Variants in CRACR2A observed in about 807,000 individuals in gnomAD.
CRACR2A encodes calcium release activated channel regulator 2A.
Under a neutral mutation model 90.5 loss-of-function variants are expected in CRACR2A, and 79 were observed. That is an observed-to-expected ratio of 0.87 (90% CI 0.73 to 1.05). The LOEUF (loss-of-function observed/expected upper bound fraction) is 1.05, where lower values mean the gene tolerates loss of function less well. Among genes scored for constraint, CRACR2A ranks in the 50% least tolerant of loss-of-function variants. CRACR2A has a pLI of 0.00. For missense variants in CRACR2A, 823 were observed against 897.2 expected (o/e 0.92, Z 1.06); for synonymous variants, 338 against 356.7 (o/e 0.95, Z 0.59).
chr12:3,749,864 T>C lies in CRACR2A; in HGVS notation c.-387+3151A>G, dbSNP rs576809432. Reference sequence around the variant, plus strand: ...GTGTTGTGTTGGTAGGAACAAAAAGTGTACCAGTTTGAAATGGTCCATTGA... The same window carrying C: ...GTGTTGTGTTGGTAGGAACAAAAAGCGTACCAGTTTGAAATGGTCCATTGA... On this transcript the variant is annotated intron_variant, in intron 1 of 19. Transcript: ENST00000440314. Among the ~76,000 whole-genome samples, 5 of 150,548 alleles carry C rather than the reference T, an allele frequency of 3.3e-5. No homozygotes were observed. In the South Asian group the frequency reaches 1.1e-3, roughly 32 times the overall value.
chr12:3,616,867 C>G, intron 19 of CRACR2A, 87 bp downstream of exon 19: 1 of 1,071,880 alleles, frequency 9.3e-7, no homozygotes, highest in Non-Finnish European at 1.4e-6. Flanking sequence ...AGAGGTGTGG[C>G]CTGGGTGGAG....
At chr12:3,631,073 G>A (rs1287280935) in intron 15 of CRACR2A, among the ~76,000 whole-genome samples, 1 of 152,158 alleles carries the variant, frequency 6.6e-6, no homozygotes, top group Non-Finnish European at 1.5e-5. Flanking sequence ...CTTTAAAGGG[G>A]GCAGCCTGCA....
chr12:3,680,152 C>A, intron 5 of CRACR2A, 86 bp downstream of exon 5: 1 of 1,104,492 alleles, frequency 9.1e-7, no homozygotes, highest in South Asian at 1.4e-5. Context: ...TACCTGCCCC[C>A]CAGGTCTACA....
At chr12:3,616,896 T>C in intron 19 of CRACR2A, 58 bp downstream of exon 19, 1 of 1,383,890 alleles carries the variant, frequency 7.2e-7, no homozygotes, top group Middle Eastern at 1.8e-4. Context: ...GGTGCCTCCC[T>C]GAAGGCAGAC....
intron 15 of CRACR2A, among the ~76,000 whole-genome samples, chr12:3,631,082 C>T (rs1944368094): frequency 6.6e-6 from 1 of 152,182 alleles, no homozygotes; most frequent in South Asian, 2.1e-4. Context: ...GGGCAGCCTG[C>T]AGGTGGCTGG....
intron 6 of CRACR2A, among the ~76,000 whole-genome samples, chr12:3,674,956 T>C (rs760451346): frequency 2.4e-4 from 36 of 152,248 alleles, no homozygotes; most frequent in Non-Finnish European, 4.0e-4. Context: ...CTGTTAAACT[T>C]TGAGACTTTA....
intron 15 of CRACR2A, among the ~76,000 whole-genome samples, chr12:3,629,502 C>A (rs1944340096): frequency 1.3e-5 from 2 of 152,220 alleles, no homozygotes; most frequent in African/African-American, 4.8e-5. Context: ...CCTCCATGGT[C>A]ATACAGCTTC....
Position 3,633,695 on chromosome 12 carries a change from A to G in CRACR2A, c.1644T>C (p.Ile548=). ...SPSAPDRLFK[I]VFVGNSAVGK... is the part of the protein sequence containing the mutation. Reference sequence around the variant, plus strand: ...CCACCGCGGAATTGCCCACGAACACAATCTTGAAGAGCCGGTCAGGGGCAG... The same window carrying G: ...CCACCGCGGAATTGCCCACGAACACGATCTTGAAGAGCCGGTCAGGGGCAG... The change falls in exon 15 of 20, where the codon ATT becomes ATC. Residue 548 remains isoleucine (I), a synonymous_variant. Coordinates refer to ENST00000440314, the MANE Select transcript of CRACR2A (RefSeq NM_001144958.2). The surrounding 1 kb of genome is among the most constrained non-coding windows in gnomAD (Gnocchi z 4.5). The G allele has an allele frequency of 6.4e-7, 1 of 1,551,670 alleles. No individual in the cohort carries two copies.
At chr12:3,665,315 G>A (rs571838411) in intron 7 of CRACR2A, among the ~76,000 whole-genome samples, 24 of 152,178 alleles carry the variant, frequency 1.6e-4, no homozygotes, top group Admixed American at 2.6e-4. Context: ...GTCACAGACC[G>A]TTTGCTGACA....
At chr12:3,660,746 C>T (rs1312162582) in intron 7 of CRACR2A, among the ~76,000 whole-genome samples, 1 of 151,616 alleles carries the variant, frequency 6.6e-6, no homozygotes, top group Non-Finnish European at 1.5e-5. Context: ...GCCCTTACTC[C>T]CTATCCTCTC....
chr12:3,738,017 G>A (rs978199692), intron 1 of CRACR2A, among the ~76,000 whole-genome samples: 40 of 152,240 alleles, frequency 2.6e-4, no homozygotes, highest in African/African-American at 9.6e-4. Context: ...CAAGCCCCAT[G>A]GCGAGTGGCT....
chr12:3,640,678 A>C (rs1198691015), intron 13 of CRACR2A: 1 of 1,305,406 alleles, frequency 7.7e-7, no homozygotes. Context: ...CTCCAGAGTC[A>C]CTTCCGCTTT....
intron 5 of CRACR2A, among the ~76,000 whole-genome samples, 173 bp downstream of exon 5, chr12:3,680,065 T>A (rs184315021): frequency 6.6e-6 from 1 of 152,238 alleles, no homozygotes; most frequent in East Asian, 1.9e-4. Context: ...GAGACGGGCA[T>A]GTGAGGAGGC....
intron 1 of CRACR2A, among the ~76,000 whole-genome samples, chr12:3,745,825 T>TAAAATAAAATAAAATAAAATAAAATAAAA (rs149739964): frequency 1.0e-5 from 1 of 100,486 alleles, no homozygotes; most frequent in Non-Finnish European, 2.0e-5. Flanking sequence ...TAAAATAAAA[T>TAAAATAAAATAAAATAAAATAAAATAAAA]AAAGAAAGAA....
chr12:3,682,601 T>TACCTGATTCTTCACTAC (rs1945477730), intron 4 of CRACR2A, among the ~76,000 whole-genome samples: 2 of 152,196 alleles, frequency 1.3e-5, no homozygotes, highest in Non-Finnish European at 2.9e-5. Context: ...ACTGATTCTA[T>TACCTGATTCTTCACTAC]ACCTGATTCT....
At chr12:3,726,764 C>T (rs1946272736) in intron 2 of CRACR2A, 1 of 150,034 alleles carries the variant, frequency 6.7e-6, no homozygotes. Context: ...CAAAGTGTCA[C>T]AGAAAACATG....
chr12:3,619,226 C>T (rs762067179), intron 18 of CRACR2A, 45 bp downstream of exon 18: 54 of 1,498,090 alleles, frequency 3.6e-5, no homozygotes, highest in Non-Finnish European at 4.6e-5. Flanking sequence ...CAACTTCCCT[C>T]GGGGTCACAC....
intron 4 of CRACR2A, among the ~76,000 whole-genome samples, chr12:3,681,612 C>A (rs1426287570): frequency 6.6e-6 from 1 of 152,228 alleles, no homozygotes; most frequent in Non-Finnish European, 1.5e-5. Flanking sequence ...CTCCCTTCCT[C>A]CCAGTTACCT....
At chr12:3,666,534 T>C (rs1340684757) in intron 7 of CRACR2A, among the ~76,000 whole-genome samples, 1 of 152,186 alleles carries the variant, frequency 6.6e-6, no homozygotes, top group African/African-American at 2.4e-5. Context: ...TAGAGATAAT[T>C]TGCAGGGAAC....
Sources: gnomAD v4.1 joint callset for allele counts (sites outside exome capture counted in the v4.1 genomes callset) on GRCh38, gnomAD v4.1.1 for gene constraint, Gnocchi (gnomAD v3.1) non-coding constraint, MANE v1.5 for transcripts, NCBI Gene and HGNC (gene_info 2026-07-23, HGNC 2026-07-21) for gene names.